TBL1X: variants seen among roughly 807,000 people sequenced by gnomAD.
The protein encoded by TBL1X is transducin beta like 1 X-linked.
In TBL1X, 10 loss-of-function variants were observed where a neutral mutation model predicts 50.7. The ratio of observed to expected loss-of-function variants is 0.20; its 90% CI spans 0.12 to 0.33. The LOEUF (loss-of-function observed/expected upper bound fraction) is 0.33. Ranked by LOEUF, TBL1X falls within the 10% of genes least tolerant of loss-of-function variation. The pLI, the probability that TBL1X is intolerant of heterozygous loss-of-function variation, is 1.00. For missense variants in TBL1X, 340 were observed against 504.4 expected, an observed-to-expected ratio of 0.67 and a Z score of 3.12; for synonymous variants, 190 against 214.7, an observed-to-expected ratio of 0.88 and a Z score of 1.01.
At chrX:9,652,850 CAAA>C (rs750794158) in intron 3 of TBL1X, among the ~76,000 whole-genome samples, 3 of 55,390 alleles carry the variant, frequency 5.4e-5, no homozygotes, top group Non-Finnish European at 1.0e-4. Flanking sequence ...GACTCTGTCT[CAAA>C]AAAAAAAAAA....
intron 2 of TBL1X, among the ~76,000 whole-genome samples, chrX:9,609,557 AT>A (rs1192511666): frequency 9.0e-6 from 1 of 111,299 alleles, no homozygotes; most frequent in Non-Finnish European, 1.9e-5. Context: ...TACATGTTCC[AT>A]CATTTATATC....
chrX:9,548,311 C>T (rs2082255155), intron 2 of TBL1X, among the ~76,000 whole-genome samples: 2 of 111,718 alleles, frequency 1.8e-5, no homozygotes, highest in East Asian at 5.6e-4. Context: ...GCTCAGAGTT[C>T]TCAGCTCCCA....
intron 2 of TBL1X, among the ~76,000 whole-genome samples, chrX:9,553,269 G>A (rs1252734847): frequency 8.9e-6 from 1 of 112,115 alleles, no homozygotes; most frequent in Non-Finnish European, 1.9e-5. Context: ...TCCCAGAGGA[G>A]ATAGGAGGAT....
intron 2 of TBL1X, among the ~76,000 whole-genome samples, chrX:9,614,037 A>G (rs913417064): frequency 1.8e-5 from 2 of 110,573 alleles, no homozygotes; most frequent in Non-Finnish European, 3.8e-5. Context: ...AAAATTATAC[A>G]TAAGGCTTGC....
chrX:9,677,864 G>GT (rs770382086), intron 5 of TBL1X, among the ~76,000 whole-genome samples: 26 of 112,186 alleles, frequency 2.3e-4, no homozygotes, highest in South Asian at 7.5e-4. Flanking sequence ...AAGGGACCTT[G>GT]TAGATCATTG....
At chrX:9,480,564 C>G (rs2081875953) in intron 1 of TBL1X, among the ~76,000 whole-genome samples, 1 of 111,631 alleles carries the variant, frequency 9.0e-6, no homozygotes, top group African/African-American at 3.3e-5. Flanking sequence ...CTCATACTGT[C>G]TTTATTTTGT....
At chrX:9,466,223 A>C (rs2081773431) in intron 1 of TBL1X, among the ~76,000 whole-genome samples, 1 of 112,390 alleles carries the variant, frequency 8.9e-6, no homozygotes, top group Admixed American at 9.3e-5. Context: ...CTTGCTATCC[A>C]GGGGGACCTT....
intron 2 of TBL1X, among the ~76,000 whole-genome samples, chrX:9,635,258 T>G (rs1308060962): frequency 9.1e-6 from 1 of 110,140 alleles, no homozygotes; most frequent in Admixed American, 9.6e-5. Flanking sequence ...CCAAAATATC[T>G]CCAGACATTG....
chrX:9,692,819 C>T (rs1399662618), intron 9 of TBL1X, among the ~76,000 whole-genome samples: 1 of 112,485 alleles, frequency 8.9e-6, no homozygotes, highest in Admixed American at 9.4e-5. Context: ...GAGCCTGTGG[C>T]CTCATGGTGG....
chrX:9,554,214 C>A (rs776974493), intron 2 of TBL1X, among the ~76,000 whole-genome samples: 17 of 112,560 alleles, frequency 1.5e-4, no homozygotes, highest in African/African-American at 5.5e-4. Context: ...CCATCACTTT[C>A]CAAGCTTTTT....
intron 2 of TBL1X, among the ~76,000 whole-genome samples, chrX:9,624,943 A>G (rs752182423): frequency 7.1e-5 from 8 of 112,260 alleles, no homozygotes; most frequent in Non-Finnish European, 1.1e-4. Flanking sequence ...TCCTTTCTCA[A>G]ACACACTTGC....
intron 5 of TBL1X, among the ~76,000 whole-genome samples, chrX:9,657,000 C>A (rs1231187218): frequency 2.7e-5 from 3 of 111,984 alleles, no homozygotes; most frequent in African/African-American, 9.7e-5. Context: ...TCCTGCACCC[C>A]ACCAAACTCA....
chrX:9,552,933 A>T (rs1051011993), intron 2 of TBL1X, among the ~76,000 whole-genome samples: 3 of 111,703 alleles, frequency 2.7e-5, no homozygotes, highest in Admixed American at 1.9e-4. Context: ...ATTTGAGCCC[A>T]GGAGTTCAAG....
chrX:9,691,138 A>G (rs1365921543), intron 7 of TBL1X, among the ~76,000 whole-genome samples: 3 of 112,179 alleles, frequency 2.7e-5, no homozygotes, highest in Non-Finnish European at 5.6e-5. Context: ...CGATTTCGTT[A>G]GAATCATCAG....
intron 12 of TBL1X, among the ~76,000 whole-genome samples, chrX:9,703,965 G>A (rs762727959): frequency 2.0e-4 from 23 of 112,425 alleles, no homozygotes; most frequent in African/African-American, 5.5e-4. Context: ...GGCTTTTAGC[G>A]AGTGCCTTGG....
chrX:9,570,232 C>T (rs1335223529), intron 2 of TBL1X, among the ~76,000 whole-genome samples: 1 of 112,249 alleles, frequency 8.9e-6, no homozygotes, highest in Admixed American at 9.4e-5. Context: ...ACGTTCTTTT[C>T]TTTCAAACAG....
At position 9,716,846 on chromosome X, in the gene TBL1X, G is replaced by A. The variant is rs2083281809; in HGVS notation, c.*600G>A. 1 of 111,032 alleles carries A rather than the reference G, an allele frequency of 9.0e-6. No homozygotes were observed. The highest frequency in any genetic ancestry group is 1.9e-5 in the Non-Finnish European group (1 of 53,226). The allele number at this position is 111,032 out of a possible 1,213,427, so 9.2% of individuals were successfully genotyped here. A position where few individuals can be genotyped will look rare whatever the true frequency, so the allele number is the denominator to read the frequency against. On this transcript the variant is annotated 3_prime_UTR_variant, in exon 18 of 18. Transcript: ENST00000645353. ...GAATTCTATCTTCTGGGGGCCTTCC[G>A]TCTGAGATGGAAGCTGTCTTGGGCT...
At chrX:9,632,784 T>C (rs1446743203) in intron 2 of TBL1X, among the ~76,000 whole-genome samples, 3 of 112,062 alleles carry the variant, frequency 2.7e-5, no homozygotes, top group Non-Finnish European at 5.6e-5. Context: ...ATGTAGAGGG[T>C]ATGCAAACAC....
intron 5 of TBL1X, among the ~76,000 whole-genome samples, chrX:9,668,546 T>C (rs903815732): frequency 8.9e-6 from 1 of 112,442 alleles, no homozygotes; most frequent in Non-Finnish European, 1.9e-5. Context: ...TTGGAGCATG[T>C]TACTTTTTCT....
Sources: allele counts gnomAD v4.1 joint callset (sites outside exome capture counted in the v4.1 genomes callset), GRCh38; gene constraint gnomAD v4.1.1; transcripts MANE v1.5; gene names NCBI Gene and HGNC (gene_info 2026-07-23, HGNC 2026-07-21).